The following TSPAN9 variants were observed in gnomAD, a reference collection of about 807,000 sequenced individuals.
TSPAN9 encodes the protein tetraspanin-9.
A neutral mutation model predicts 31.0 loss-of-function variants in TSPAN9; 16 were observed. The ratio of observed to expected loss-of-function variants is 0.52; its 90% CI spans 0.35 to 0.78. The LOEUF (loss-of-function observed/expected upper bound fraction) is 0.78, where lower values mean the gene tolerates loss of function less well. TSPAN9 is among the 30% of genes least tolerant of loss of function. The probability of loss-of-function intolerance (pLI) is 0.01; values close to 1 mark genes in which losing one functional copy is unlikely to be tolerated. For synonymous variants in TSPAN9, 145 were observed against 121.6 expected, an observed-to-expected ratio of 1.19 and a Z score of -1.27; for missense variants, 272 against 312.5, an observed-to-expected ratio of 0.87 and a Z score of 0.98.
At chr12:3,123,867 C>T (rs576758444) in intron 2 of TSPAN9, among the ~76,000 whole-genome samples, 3 of 152,090 alleles carry the variant, frequency 2.0e-5, no homozygotes, top group Admixed American at 6.5e-5. Flanking sequence ...TGAGGATGTG[C>T]GGAAGAGTTT....
At chr12:3,262,424 G>A (rs760147182) in intron 3 of TSPAN9, among the ~76,000 whole-genome samples, 6 of 150,572 alleles carry the variant, frequency 4.0e-5, no homozygotes, top group African/African-American at 7.3e-5. Flanking sequence ...TGTATTCCTC[G>A]GATCTCATAT....
rs75156656 is a variant in TSPAN9, at chr12:3,098,015, G to A, written c.-18+14296G>A. Among the ~76,000 whole-genome samples the A allele has an allele frequency of 9.2e-3, 1,396 of 152,354 alleles. 27 individuals are homozygous for A. Among genetic ancestry groups the A allele is most frequent in the African/African-American group, 0.032 (1,317 of 41,586 alleles). ...AGCTAGTGTGGACGTGTGGAGACAC[G>A]CATGTGTAGATGTGCACCGATGCAG... On this transcript the variant is annotated intron_variant, in intron 2 of 8. Transcript: ENST00000011898.
At chr12:3,113,479 G>C (rs1330209961) in intron 2 of TSPAN9, among the ~76,000 whole-genome samples, 1 of 152,186 alleles carries the variant, frequency 6.6e-6, no homozygotes, top group Non-Finnish European at 1.5e-5. Flanking sequence ...TCAAAAGATG[G>C]CTTCTTTCTT....
intron 2 of TSPAN9, among the ~76,000 whole-genome samples, chr12:3,112,563 T>C (rs2098319581): frequency 6.6e-6 from 1 of 151,850 alleles, no homozygotes; most frequent in Admixed American, 6.5e-5. Flanking sequence ...CAATTTTGTT[T>C]TTTTCTAGAA....
Position 3,220,387 on chromosome 12 carries a change from G to A in TSPAN9, c.63+19131G>A, listed in dbSNP as rs535527735. Among the ~76,000 whole-genome samples, 3 of 152,318 alleles carry A rather than the reference G, an allele frequency of 2.0e-5. No individual in the cohort carries two copies. In the South Asian group the frequency reaches 6.2e-4, roughly 32 times the overall value. ...TCTCACTGGGAGTAAAGCACCCTCA[G>A]GGTTAGGCGTGGGTCTAGGGTGCAT... On this transcript the variant is annotated intron_variant, in intron 3 of 8. Coordinates refer to ENST00000011898, the MANE Select transcript of TSPAN9 (RefSeq NM_006675.5).
intron 2 of TSPAN9, among the ~76,000 whole-genome samples, chr12:3,142,501 C>T (rs1272612653): frequency 6.6e-6 from 1 of 152,130 alleles, no homozygotes; most frequent in Non-Finnish European, 1.5e-5. Context: ...AAATGTAAGG[C>T]GATGATTATT....
At chr12:3,257,483 C>G (rs1320483192) in intron 3 of TSPAN9, among the ~76,000 whole-genome samples, 1 of 152,010 alleles carries the variant, frequency 6.6e-6, no homozygotes, top group South Asian at 2.1e-4. Context: ...CCATCCTCTG[C>G]TTGATGGCTG....
Position 3,285,127 on chromosome 12 carries a change from T to C in TSPAN9, c.*2011T>C, listed in dbSNP as rs1206600520. 6.6e-6 allele frequency: 1 copy of C among 152,198 alleles called. No individual in the cohort carries two copies. The highest frequency in any genetic ancestry group is 1.5e-5 in the Non-Finnish European group (1 of 68,062). 9.4% of individuals were successfully genotyped at this position (152,198 alleles called of 1,614,324 possible). On this transcript the variant is annotated 3_prime_UTR_variant, in exon 9 of 9. Coordinates refer to ENST00000011898, the MANE Select transcript of TSPAN9 (RefSeq NM_006675.5). ...CCTGCCCTTGTCCCCTGGCCTGGCT[T>C]CCTGGTAAGGAGTTTCAGCCGCCTC...
chr12:3,110,551 T>C (rs2098318017), intron 2 of TSPAN9, among the ~76,000 whole-genome samples: 1 of 152,356 alleles, frequency 6.6e-6, no homozygotes, highest in East Asian at 1.9e-4. Context: ...GTGTTTTTTT[T>C]CAGCCTTGTG....
At chr12:3,100,640 C>T (rs996340416) in intron 2 of TSPAN9, among the ~76,000 whole-genome samples, 1 of 152,134 alleles carries the variant, frequency 6.6e-6, no homozygotes. Flanking sequence ...CAGGGCTGTC[C>T]CCGGGAGTCC....
intron 2 of TSPAN9, among the ~76,000 whole-genome samples, chr12:3,146,039 C>T (rs1019366261): frequency 1.3e-5 from 2 of 152,242 alleles, no homozygotes; most frequent in African/African-American, 2.4e-5. Flanking sequence ...GGCACAGGCA[C>T]GAGGACGCTT....
At chr12:3,191,644 C>T (rs2098364475) in intron 2 of TSPAN9, among the ~76,000 whole-genome samples, 1 of 152,130 alleles carries the variant, frequency 6.6e-6, no homozygotes, top group Non-Finnish European at 1.5e-5. Flanking sequence ...CTGCCCTGTG[C>T]CTGCCCTCCC....
chr12:3,142,645 G>A (rs1301112177), intron 2 of TSPAN9, among the ~76,000 whole-genome samples: 3 of 152,032 alleles, frequency 2.0e-5, no homozygotes, highest in Non-Finnish European at 4.4e-5. Context: ...CCTGCCCCCT[G>A]CGCCATGCTC....
intron 3 of TSPAN9, among the ~76,000 whole-genome samples, chr12:3,257,081 CCCA>C (rs1261721583): frequency 1.3e-5 from 2 of 152,114 alleles, no homozygotes; most frequent in African/African-American, 4.8e-5. Flanking sequence ...GAGACCGCTC[CCCA>C]CCAAGTTTCC....
chr12:3,209,970 AAAAAAAAAAAAAAAAATT>A (rs2098377583), intron 3 of TSPAN9, among the ~76,000 whole-genome samples: 1 of 74,782 alleles, frequency 1.3e-5, no homozygotes, highest in Admixed American at 1.5e-4. Flanking sequence ...AAAAAAAAAA[AAAAAAAAAAAAAAAAATT>A]AGCCGGGTGT....
At chr12:3,204,547 C>T (rs1201120288) in intron 3 of TSPAN9, among the ~76,000 whole-genome samples, 4 of 152,130 alleles carry the variant, frequency 2.6e-5, no homozygotes, top group Non-Finnish European at 5.9e-5. Context: ...CCTGACACTG[C>T]GACTTCAACC....
intron 3 of TSPAN9, among the ~76,000 whole-genome samples, chr12:3,234,935 T>C (rs537042761): frequency 6.7e-6 from 1 of 148,394 alleles, no homozygotes; most frequent in East Asian, 2.0e-4. Context: ...CCAAGGTGGG[T>C]GGATTACGAG....
Position 3,172,850 on chromosome 12 carries a change from C to G in TSPAN9, c.-17-28327C>G, listed in dbSNP as rs1019904600. The G allele has an allele frequency of 6.6e-6, 1 of 152,264 alleles. No homozygotes were observed. The highest frequency in any genetic ancestry group is 2.4e-5 in the African/African-American group (1 of 41,454). 9.4% of individuals were successfully genotyped at this position (152,264 alleles called of 1,614,324 possible). ...ACGTAGGCATGGAAAGGTAACTAACCGCACGCGGCAGGCGAGTCTATTAAA... is the reference window on the plus strand; with the variant it reads ...ACGTAGGCATGGAAAGGTAACTAACGGCACGCGGCAGGCGAGTCTATTAAA... On this transcript the variant is annotated intron_variant, in intron 2 of 8. Transcript: ENST00000011898. The surrounding 1 kb of genome is among the most constrained non-coding windows in gnomAD (Gnocchi z 4.8).
intron 2 of TSPAN9, among the ~76,000 whole-genome samples, chr12:3,104,019 C>T (rs59635066): frequency 0.032 from 4,825 of 152,176 alleles, 535 homozygotes; most frequent in Admixed American, 0.21. Flanking sequence ...GAGGAGCTGG[C>T]ATTTCAGGAG....
Sources: allele counts gnomAD v4.1 joint callset (sites outside exome capture counted in the v4.1 genomes callset), GRCh38; gene constraint gnomAD v4.1.1; non-coding constraint Gnocchi (gnomAD v3.1); transcripts MANE v1.5; gene names NCBI Gene and HGNC (gene_info 2026-07-23, HGNC 2026-07-21).